The following GGCX variants were observed in gnomAD, a reference collection of about 807,000 sequenced individuals.
GGCX encodes the protein vitamin K-dependent gamma-carboxylase.
Under a neutral mutation model 88.5 loss-of-function variants are expected in GGCX, and 63 were observed. The observed-to-expected ratio is 0.71, with a 90% CI of 0.58 to 0.88. The LOEUF is 0.88. Among genes scored for constraint, GGCX ranks in the 40% least tolerant of loss-of-function variants. The pLI is 0.00. For missense variants in GGCX, 805 were observed against 932.9 expected (o/e 0.86, Z 1.79); for synonymous variants, 368 against 365.8 (o/e 1.01, Z -0.07).
At chr2:85,551,163 C>T in intron 12 of GGCX, 91 bp from the exon 13 acceptor site, 1 of 1,257,100 alleles carries the variant, frequency 8.0e-7, no homozygotes, top group Admixed American at 1.7e-5. Flanking sequence ...CTTCTTTCTA[C>T]TCAATTGTGT....
intron 9 of GGCX, 79 bp from the exon 10 acceptor site, chr2:85,552,646 G>A (rs1692013088): frequency 1.5e-6 from 2 of 1,352,366 alleles, no homozygotes; most frequent in Non-Finnish European, 1.1e-6. Context: ...ATGGCACAAC[G>A]AGATCCCTGC....
chr2:85,550,934 T>C lies in GGCX; in HGVS notation c.1879A>G (p.Asn627Asp), dbSNP rs779531873. The change falls in exon 13 of 15, where the codon AAT becomes GAT. Residue 627 changes from asparagine to aspartate, a missense_variant. Asn to Asp is a conservative substitution (Grantham distance 23). Transcript: ENST00000233838. ...YLQELKEKVE[N>D]GSETGPLPPE... ...ATGTTCATACACTCACCACTTCCAT[T>C]CTCCACCTTTTCCTTTAATTCTTGC... The C allele has an allele frequency of 1.9e-6, 3 of 1,614,016 alleles. No individual in the cohort carries two copies. In the African/African-American group the frequency reaches 4.0e-5, roughly 22 times the overall value.
At chr2:85,553,658 G>A (rs1692080405) in intron 7 of GGCX, 161 bp from the exon 8 acceptor site, 2 of 687,886 alleles carry the variant, frequency 2.9e-6, no homozygotes, top group Admixed American at 2.4e-5. Context: ...GGAGTGCAGT[G>A]GCGTGATCTC....
At position 85,547,222 on chromosome 2, in the gene GGCX, C is replaced by T. The variant is rs983611548; in HGVS notation, c.*2712G>A. 4 of 152,118 alleles carry T rather than the reference C, an allele frequency of 2.6e-5. No individual in the cohort carries two copies. The highest frequency in any genetic ancestry group is 6.5e-5 in the Admixed American group (1 of 15,270). 9.4% of individuals were successfully genotyped at this position (152,118 alleles called of 1,614,324 possible). ...TTAGGTTGAACATTCTGTATATAAC[C>T]TGCCTTTCTAAAGTTTCAAAGGGGA... is the stretch of plus-strand genomic sequence containing the variant. On this transcript the variant is annotated 3_prime_UTR_variant, in exon 15 of 15. Transcript: ENST00000233838.
rs1200079785 is a variant in GGCX at position 85,560,989 on chromosome 2, C to T, written c.44-4G>A. Reference sequence around the variant, plus strand: ...GCCTTGTCTTTCTGTACTTTATCTGCAATCAATAAATGGAGAAAATATGTG... The same window carrying T: ...GCCTTGTCTTTCTGTACTTTATCTGTAATCAATAAATGGAGAAAATATGTG... On this transcript the variant is annotated splice_region_variant and splice_polypyrimidine_tract_variant and intron_variant, in intron 1 of 14. Coordinates refer to ENST00000233838, the MANE Select transcript of GGCX (RefSeq NM_000821.7). 1.7e-5 allele frequency: 28 copies of T among 1,611,002 alleles called. No homozygotes were observed. The East Asian group carries it at 2.7e-4, about 15-fold the overall frequency.
intron 1 of GGCX, 60 bp downstream of exon 1, chr2:85,561,326 G>A: frequency 7.7e-6 from 3 of 387,172 alleles, no homozygotes; most frequent in Non-Finnish European, 1.2e-5. Flanking sequence ...TCCCGCCCCC[G>A]CCCCTCTGAG....
At chr2:85,558,334 T>C (rs1417333719) in intron 4 of GGCX, 106 bp downstream of exon 4, 5 of 969,632 alleles carry the variant, frequency 5.2e-6, no homozygotes. Context: ...CTTGTAACCA[T>C]ACTTTGCAAA....
chr2:85,557,333 A>T (rs1692244908), intron 4 of GGCX, among the ~76,000 whole-genome samples: 1 of 152,314 alleles, frequency 6.6e-6, no homozygotes, highest in South Asian at 2.1e-4. Context: ...AAAAAATTTT[A>T]AAAATTAGCT....
intron 6 of GGCX, 178 bp from the exon 7 acceptor site, chr2:85,554,484 G>GTTGTTGTTA: frequency 1.5e-6 from 1 of 662,610 alleles, no homozygotes; most frequent in Non-Finnish European, 2.7e-6. Flanking sequence ...TGTTGTTGTT[G>GTTGTTGTTA]AAACGAAGTT....
At chr2:85,552,044 C>T (rs1026329414) in intron 10 of GGCX, 63 bp from the exon 11 acceptor site, 109 of 1,220,042 alleles carry the variant, frequency 8.9e-5, no homozygotes, top group Non-Finnish European at 1.2e-4. Context: ...ACTTCCAGTT[C>T]TCTCCCTTTC....
chr2:85,554,728 A>C (rs1447806168), intron 6 of GGCX: 4 of 270,688 alleles, frequency 1.5e-5, no homozygotes, highest in Non-Finnish European at 2.9e-5. Flanking sequence ...CCAGCATCCC[A>C]AAGTGCCGGG....
Position 85,550,619 on chromosome 2 carries a change from T to C in GGCX, c.2020A>G (p.Asn674Asp), listed in dbSNP as rs1558804937. The change falls in exon 14 of 15, where the codon AAT becomes GAT. Residue 674 changes from asparagine (N) to aspartate (D), a missense_variant. This residue lies in a region of GGCX where 680 missense variants were observed against 763.7 expected (regional missense o/e 0.89). Transcript: ENST00000233838. ...QRLQEIERRR[N>D]TPFHERFFRF... ...AAGAATCGCTCATGGAAAGGAGTAT[T>C]TCGCCGGCGTTCAATCTCCTGGAGC... 2 of 1,614,048 alleles carry C rather than the reference T, an allele frequency of 1.2e-6. No individual in the cohort carries two copies. Among genetic ancestry groups the C allele is most frequent in the Non-Finnish European group, 1.7e-6 (2 of 1,179,902 alleles).
At position 85,549,519 on chromosome 2, in the gene GGCX, T is replaced by C; in HGVS notation, c.*415A>G. ...TGGATTACAGGCACCCACCACCACGTCTGGCTAATTTTTGTATTTTTAGTA... is the reference window on the plus strand; with the variant it reads ...TGGATTACAGGCACCCACCACCACGCCTGGCTAATTTTTGTATTTTTAGTA... On this transcript the variant is annotated 3_prime_UTR_variant, in exon 15 of 15. Coordinates refer to ENST00000233838, the MANE Select transcript of GGCX (RefSeq NM_000821.7). 1 of 219,996 alleles carries C rather than the reference T, an allele frequency of 4.5e-6. No individual in the cohort carries two copies. Among genetic ancestry groups the C allele is most frequent in the South Asian group, 5.7e-5 (1 of 17,414 alleles). 13.6% of individuals were successfully genotyped at this position (219,996 alleles called of 1,614,324 possible). A position where few individuals can be genotyped will look rare whatever the true frequency, so the allele number is the denominator to read the frequency against.
chr2:85,553,132 C>T, intron 8 of GGCX, 62 bp from the exon 9 acceptor site: 1 of 1,610,850 alleles, frequency 6.2e-7, no homozygotes, highest in Non-Finnish European at 8.5e-7. Context: ...CATCCCCTAC[C>T]AAGAAGGGGC....
chr2:85,552,786 C>T (rs1263855857), intron 9 of GGCX, 153 bp downstream of exon 9: 3 of 935,504 alleles, frequency 3.2e-6, no homozygotes, highest in South Asian at 2.6e-5. Flanking sequence ...TGCCCTATCT[C>T]AACCCACATA....
At chr2:85,561,273 C>A in intron 1 of GGCX, 113 bp downstream of exon 1, 1 of 641,936 alleles carries the variant, frequency 1.6e-6, no homozygotes, top group East Asian at 2.9e-5. Context: ...CCCTTCCCCA[C>A]AGAGGACCCC....
Position 85,547,985 on chromosome 2 carries a change from G to A in GGCX, c.*1949C>T, listed in dbSNP as rs1346470124. On this transcript the variant is annotated 3_prime_UTR_variant, in exon 15 of 15. Coordinates refer to ENST00000233838, the MANE Select transcript of GGCX (RefSeq NM_000821.7). ...AGGCCAAGGCAGGTGGATACTTAAG[G>A]TCATGAGTTTGAGACCAGCCTGGCC... The A allele has an allele frequency of 6.6e-6, 1 of 152,240 alleles. No individual in the cohort carries two copies. The highest frequency in any genetic ancestry group is 1.5e-5 in the Non-Finnish European group (1 of 68,068). The allele number at this position is 152,240 out of a possible 1,614,324, so 9.4% of individuals were successfully genotyped here.
Position 85,561,454 on chromosome 2 carries a change from C to T in GGCX, c.-26G>A, listed in dbSNP as rs1254366460. ...TGCTCTGCGGAGGAGGCAGGTGGGTCACAGCTGCCGCGTCTGAACGGAGGC... is the reference window on the plus strand; with the variant it reads ...TGCTCTGCGGAGGAGGCAGGTGGGTTACAGCTGCCGCGTCTGAACGGAGGC... On this transcript the variant is annotated 5_prime_UTR_variant, in exon 1 of 15. Transcript: ENST00000233838. 7.1e-6 allele frequency: 11 copies of T among 1,551,140 alleles called. No homozygotes were observed. The highest frequency in any genetic ancestry group is 4.0e-5 in the African/African-American group (3 of 74,174).
At position 85,547,664 on chromosome 2, in the gene GGCX, T is replaced by C. The variant is rs1171177270; in HGVS notation, c.*2270A>G. The stretch of plus-strand genomic sequence containing the variant: ...CTATGAGAGAAGATCTGCAAAAGGA[T>C]TGAAAATCAGCATCCCTCCCACCCA... On this transcript the variant is annotated 3_prime_UTR_variant, in exon 15 of 15. Transcript: ENST00000233838. 6.6e-6 allele frequency: 1 copy of C among 152,050 alleles called. No individual in the cohort carries two copies. Among genetic ancestry groups the C allele is most frequent in the Middle Eastern group, 3.1e-3 (1 of 318 alleles). 9.4% of individuals were successfully genotyped at this position (152,050 alleles called of 1,614,324 possible).
Sources: allele counts gnomAD v4.1 joint callset (sites outside exome capture counted in the v4.1 genomes callset), GRCh38; gene constraint gnomAD v4.1.1; regional missense constraint gnomAD v4.1.1; transcripts MANE v1.5; gene names NCBI Gene and HGNC (gene_info 2026-07-23, HGNC 2026-07-21).